CTNNA3: variants seen among roughly 807,000 people sequenced by gnomAD.
CTNNA3 encodes the protein catenin alpha 3.
CTNNA3 carries 76 observed loss-of-function variants against 95.7 expected under a neutral mutation model. The ratio of observed to expected loss-of-function variants is 0.79; its 90% confidence interval spans 0.66 to 0.96. The LOEUF (loss-of-function observed/expected upper bound fraction) is 0.96. Ranked by LOEUF, CTNNA3 falls within the 40% of genes least tolerant of loss-of-function variation. The pLI is 0.00. For missense variants in CTNNA3, 1,191 were observed against 1,089.8 expected, an observed-to-expected ratio of 1.09 and a Z score of -1.31; for synonymous variants, 431 against 374.4, an observed-to-expected ratio of 1.15 and a Z score of -1.74.
intron 15 of CTNNA3, among the ~76,000 whole-genome samples, chr10:66,028,621 G>A (rs1460410901): frequency 6.6e-6 from 1 of 152,008 alleles, no homozygotes; most frequent in East Asian, 1.9e-4. Flanking sequence ...GGGAGGGATA[G>A]CATTAGGAGA....
intron 13 of CTNNA3, among the ~76,000 whole-genome samples, chr10:66,192,232 C>G (rs966510200): frequency 1.3e-5 from 2 of 152,046 alleles, no homozygotes; most frequent in African/African-American, 4.8e-5. Flanking sequence ...CACTCCCCCG[C>G]CAGCAGAACT....
chr10:66,318,970 G>A (rs1421861246), intron 12 of CTNNA3, among the ~76,000 whole-genome samples: 1 of 151,502 alleles, frequency 6.6e-6, no homozygotes. Flanking sequence ...ACTCGTTCAC[G>A]CATTGCAAGC....
At chr10:67,504,606 C>G (rs1442156654) in intron 5 of CTNNA3, among the ~76,000 whole-genome samples, 1 of 151,978 alleles carries the variant, frequency 6.6e-6, no homozygotes, top group Admixed American at 6.6e-5. Flanking sequence ...TCATGAGCAC[C>G]AACCACATGT....
chr10:66,896,344 G>GT (rs1180096563), intron 7 of CTNNA3, among the ~76,000 whole-genome samples: 1 of 152,074 alleles, frequency 6.6e-6, no homozygotes, highest in African/African-American at 2.4e-5. Flanking sequence ...TTCATATTTT[G>GT]TTTCTTTCAT....
At chr10:67,712,867 G>C (rs1391516343) in intron 1 of CTNNA3, among the ~76,000 whole-genome samples, 1 of 152,114 alleles carries the variant, frequency 6.6e-6, no homozygotes, top group Non-Finnish European at 1.5e-5. Context: ...TCAGGACATA[G>C]GCATGAGCAA....
At chr10:67,331,892 G>A (rs1841809304) in intron 5 of CTNNA3, among the ~76,000 whole-genome samples, 1 of 152,036 alleles carries the variant, frequency 6.6e-6, no homozygotes, top group South Asian at 2.1e-4. Flanking sequence ...CTGAATCTGA[G>A]GCAATAGGCT....
Position 66,837,706 on chromosome 10 carries a change from G to T in CTNNA3, c.1048-62182C>A, listed in dbSNP as rs763959971. On this transcript the variant is annotated intron_variant, in intron 7 of 17. Transcript: ENST00000433211. ...AGCAGCCCACATTAAGCTTCCATTT[G>T]TTCTGCCTCTCTCTTTCTCTCCTTT... 2.6e-5 allele frequency: 4 copies of T among 152,142 alleles called. No individual in the cohort carries two copies. In the East Asian group the frequency reaches 7.7e-4, roughly 29 times the overall value. The allele number at this position is 152,142 out of a possible 1,614,324, so 9.4% of individuals were successfully genotyped here.
At chr10:66,644,890 C>T (rs1436831066) in intron 9 of CTNNA3, among the ~76,000 whole-genome samples, 1 of 152,122 alleles carries the variant, frequency 6.6e-6, no homozygotes, top group African/African-American at 2.4e-5. Flanking sequence ...ATAACTATAT[C>T]CATCTCCCTC....
chr10:66,217,899 C>T (rs10996983), intron 13 of CTNNA3, among the ~76,000 whole-genome samples: 6,878 of 149,708 alleles, frequency 0.046, 202 homozygotes, highest in South Asian at 0.1. Flanking sequence ...AACCAGACTG[C>T]GGGTACCAGA....
chr10:66,751,775 T>C (rs1437226498), intron 9 of CTNNA3, among the ~76,000 whole-genome samples: 2 of 152,160 alleles, frequency 1.3e-5, no homozygotes, highest in Non-Finnish European at 2.9e-5. Flanking sequence ...TGGGCAACTT[T>C]CCTAAAATTT....
intron 5 of CTNNA3, among the ~76,000 whole-genome samples, chr10:67,470,322 A>C (rs1178388126): frequency 1.3e-5 from 2 of 152,180 alleles, no homozygotes; most frequent in East Asian, 3.9e-4. Flanking sequence ...GTGTATAAGT[A>C]CCACATTTTC....
At chr10:67,210,691 G>A (rs1864104565) in intron 6 of CTNNA3, among the ~76,000 whole-genome samples, 1 of 151,512 alleles carries the variant, frequency 6.6e-6, no homozygotes, top group South Asian at 2.1e-4. Flanking sequence ...TCTGTTGCAT[G>A]TGAAGTTCTA....
chr10:66,149,309 T>C (rs922645914), intron 13 of CTNNA3, among the ~76,000 whole-genome samples: 1 of 150,134 alleles, frequency 6.7e-6, no homozygotes, highest in Admixed American at 6.7e-5. Context: ...ATATAAGGAA[T>C]GTTCATTATA....
At chr10:67,435,026 T>C (rs1846252910) in intron 5 of CTNNA3, among the ~76,000 whole-genome samples, 2 of 152,076 alleles carry the variant, frequency 1.3e-5, no homozygotes, top group African/African-American at 2.4e-5. Context: ...TATATTGCTA[T>C]AGGAATCTGC....
At chr10:67,536,870 C>T (rs1840502197) in intron 4 of CTNNA3, among the ~76,000 whole-genome samples, 2 of 152,010 alleles carry the variant, frequency 1.3e-5, no homozygotes, top group South Asian at 4.1e-4. Flanking sequence ...AAATGTTGGG[C>T]TAAATAATTC....
intron 7 of CTNNA3, chr10:67,098,121 T>C: frequency 3.2e-6 from 1 of 308,422 alleles, no homozygotes; most frequent in Non-Finnish European, 6.2e-6. Flanking sequence ...TATTGTAAAG[T>C]TTCAATTGTA....
At chr10:66,692,791 G>C (rs1336808999) in intron 9 of CTNNA3, among the ~76,000 whole-genome samples, 1 of 152,168 alleles carries the variant, frequency 6.6e-6, no homozygotes, top group African/African-American at 2.4e-5. Context: ...AGCCAGAAGA[G>C]AGTGGGGGCC....
intron 14 of CTNNA3, among the ~76,000 whole-genome samples, chr10:66,090,077 G>A (rs1264833247): frequency 6.6e-6 from 1 of 151,934 alleles, no homozygotes; most frequent in Non-Finnish European, 1.5e-5. Context: ...TAGGCATCTG[G>A]TGTGATAACA....
chr10:65,968,602 G>A (rs993516991), intron 16 of CTNNA3, among the ~76,000 whole-genome samples: 7 of 151,928 alleles, frequency 4.6e-5, no homozygotes, highest in Admixed American at 3.9e-4. Flanking sequence ...TCCACTCCAC[G>A]CTTGGGCAGA....
Sources: gnomAD v4.1 joint callset for allele counts (sites outside exome capture counted in the v4.1 genomes callset) on GRCh38, gnomAD v4.1.1 for gene constraint, MANE v1.5 for transcripts, NCBI Gene and HGNC (gene_info 2026-07-23, HGNC 2026-07-21) for gene names.